The following DOCK3 variants were observed in gnomAD, a reference collection of about 807,000 sequenced individuals.
DOCK3 encodes the protein dedicator of cytokinesis 3, also known as dedicator of cytokinesis protein 3.
DOCK3 carries 60 observed loss-of-function variants against 265.6 expected under a neutral mutation model. That is an observed-to-expected ratio of 0.23 (90% CI 0.18 to 0.28). The LOEUF is 0.28. DOCK3 is among the 10% of genes least tolerant of loss of function. The pLI is 1.00. For synonymous variants in DOCK3, 881 were observed against 938.0 expected (o/e 0.94, Z 1.11); for missense variants, 1,981 against 2,594.3 (o/e 0.76, Z 5.14).
intron 4 of DOCK3, among the ~76,000 whole-genome samples, chr3:50,910,623 A>G (rs1227096616): frequency 4.6e-5 from 7 of 152,280 alleles, no homozygotes; most frequent in Middle Eastern, 3.4e-3. Context: ...AAGGTGCTCT[A>G]AGAGCCCACT....
chr3:50,681,858 C>T (rs1376902850), intron 1 of DOCK3, among the ~76,000 whole-genome samples: 2 of 152,204 alleles, frequency 1.3e-5, no homozygotes, highest in African/African-American at 4.8e-5. Flanking sequence ...GTGATAAACA[C>T]AGAACTTGAT....
intron 17 of DOCK3, among the ~76,000 whole-genome samples, 175 bp downstream of exon 17, chr3:51,228,263 G>A (rs146412365): frequency 3.9e-5 from 6 of 152,270 alleles, no homozygotes; most frequent in East Asian, 1.9e-4. Context: ...TGCGGTGGCC[G>A]TCCTCCCACA....
chr3:50,990,007 C>CA (rs1315132203), intron 5 of DOCK3, among the ~76,000 whole-genome samples: 2 of 151,960 alleles, frequency 1.3e-5, no homozygotes, highest in East Asian at 4.0e-4. Flanking sequence ...TTTCACAGTA[C>CA]AATCACAAGT....
chr3:51,323,935 G>A (rs2083911743), intron 32 of DOCK3, among the ~76,000 whole-genome samples: 1 of 151,878 alleles, frequency 6.6e-6, no homozygotes, highest in South Asian at 2.1e-4. Flanking sequence ...AGAATAATAA[G>A]AGCTATTTAT....
chr3:51,276,830 G>C (rs2080844527), intron 25 of DOCK3, among the ~76,000 whole-genome samples: 1 of 152,186 alleles, frequency 6.6e-6, no homozygotes, highest in South Asian at 2.1e-4. Context: ...AGGGGCAACA[G>C]GAATCTCTTT....
chr3:50,922,502 C>T (rs2050538890), intron 4 of DOCK3, among the ~76,000 whole-genome samples: 1 of 152,254 alleles, frequency 6.6e-6, no homozygotes, highest in Non-Finnish European at 1.5e-5. Flanking sequence ...CTTGCGCTTC[C>T]CACGTGGGGC....
chr3:51,143,841 C>G (rs2085176152), intron 9 of DOCK3, among the ~76,000 whole-genome samples: 2 of 152,084 alleles, frequency 1.3e-5, no homozygotes, highest in Non-Finnish European at 2.9e-5. Context: ...TATGTAAAGT[C>G]TAATTTATCA....
At chr3:50,782,555 G>A (rs2041975126) in intron 2 of DOCK3, among the ~76,000 whole-genome samples, 1 of 147,886 alleles carries the variant, frequency 6.8e-6, no homozygotes, top group East Asian at 2.0e-4. Flanking sequence ...CTCCCAAAGT[G>A]CTGGGACCTG....
intron 5 of DOCK3, among the ~76,000 whole-genome samples, chr3:51,001,293 G>A (rs1403981970): frequency 6.6e-6 from 1 of 152,174 alleles, no homozygotes; most frequent in African/African-American, 2.4e-5. Context: ...CCTGTAAGAA[G>A]AAACTCCTGC....
chr3:50,849,493 C>T (rs2046257632), intron 3 of DOCK3, among the ~76,000 whole-genome samples: 2 of 152,126 alleles, frequency 1.3e-5, no homozygotes, highest in South Asian at 2.1e-4. Flanking sequence ...CTCTCTCTGT[C>T]ACCCAGGTTG....
chr3:51,255,872 G>A (rs972683676), intron 22 of DOCK3, among the ~76,000 whole-genome samples: 14 of 152,152 alleles, frequency 9.2e-5, no homozygotes, highest in Admixed American at 1.3e-4. Context: ...CACTCAACTC[G>A]TCAAAGTCAT....
intron 6 of DOCK3, among the ~76,000 whole-genome samples, chr3:51,068,869 A>T (rs1158069727): frequency 1.3e-5 from 2 of 152,210 alleles, no homozygotes; most frequent in South Asian, 2.1e-4. Flanking sequence ...AGTAATATTC[A>T]GTTAGAACTT....
chr3:51,271,239 T>A (rs1169061904), intron 24 of DOCK3, among the ~76,000 whole-genome samples: 2 of 152,236 alleles, frequency 1.3e-5, no homozygotes, highest in African/African-American at 2.4e-5. Flanking sequence ...TAGGGGCATG[T>A]CACTGGGGTG....
intron 1 of DOCK3, among the ~76,000 whole-genome samples, chr3:50,765,487 A>T: frequency 6.6e-6 from 1 of 152,190 alleles, no homozygotes. Flanking sequence ...CAAATAAAGT[A>T]TAGGCCTGAA....
chr3:51,091,047 ATATTAATACACTATGCTTTAC>A (rs2082617726), intron 9 of DOCK3, among the ~76,000 whole-genome samples: 1 of 152,250 alleles, frequency 6.6e-6, no homozygotes, highest in African/African-American at 2.4e-5. Flanking sequence ...CTTGACAAAA[ATATTAATACACTATGCTTTAC>A]TTTGGCATAG....
intron 5 of DOCK3, among the ~76,000 whole-genome samples, chr3:50,992,142 A>G (rs1446855047): frequency 1.3e-5 from 2 of 152,250 alleles, no homozygotes; most frequent in Non-Finnish European, 2.9e-5. Context: ...AAAAAGTTAG[A>G]AAGATCCCAA....
At chr3:51,011,732 G>GT (rs1450696572) in intron 5 of DOCK3, among the ~76,000 whole-genome samples, 3 of 152,160 alleles carry the variant, frequency 2.0e-5, no homozygotes, top group Admixed American at 6.5e-5. Context: ...TTTCTGCTCT[G>GT]TTTTTTCCCC....
At chr3:51,251,318 G>A (rs918625950) in intron 22 of DOCK3, among the ~76,000 whole-genome samples, 35 of 152,028 alleles carry the variant, frequency 2.3e-4, no homozygotes, top group Non-Finnish European at 4.0e-4. Context: ...GAATAGTGCC[G>A]CAGTAAACAT....
intron 4 of DOCK3, among the ~76,000 whole-genome samples, chr3:50,890,530 G>A (rs775214085): frequency 2.6e-5 from 4 of 151,986 alleles, no homozygotes; most frequent in Non-Finnish European, 5.9e-5. Context: ...TAAAAACAAA[G>A]CAATCTGCCT....
Sources: allele counts gnomAD v4.1 joint callset (sites outside exome capture counted in the v4.1 genomes callset), GRCh38; gene constraint gnomAD v4.1.1; transcripts MANE v1.5; gene names NCBI Gene and HGNC (gene_info 2026-07-23, HGNC 2026-07-21).